LGR6: variants seen among roughly 807,000 people sequenced by gnomAD.
LGR6 encodes leucine rich repeat containing G protein-coupled receptor 6.
A neutral mutation model predicts 69.4 loss-of-function variants in LGR6; 45 were observed. That is an observed-to-expected ratio of 0.65 (90% CI 0.51 to 0.83). LGR6 has a LOEUF of 0.83. Ranked by LOEUF, LGR6 falls within the 40% of genes least tolerant of loss-of-function variation. The pLI is 0.00. For synonymous variants in LGR6, 538 were observed against 555.0 expected, an observed-to-expected ratio of 0.97 and a Z score of 0.43; for missense variants, 1,108 against 1,246.7, an observed-to-expected ratio of 0.89 and a Z score of 1.68.
chr1:202,226,261 A>G (rs1660542259), intron 2 of LGR6, among the ~76,000 whole-genome samples: 1 of 152,012 alleles, frequency 6.6e-6, no homozygotes, highest in Non-Finnish European at 1.5e-5. Flanking sequence ...TGTATTTCCA[A>G]CACCTCCCAG....
intron 14 of LGR6, 85 bp downstream of exon 14, chr1:202,307,486 A>G: frequency 8.7e-7 from 1 of 1,143,056 alleles, no homozygotes; most frequent in Non-Finnish European, 1.3e-6. Context: ...GGGCCACCCC[A>G]GAGCAGGAAC....
intron 7 of LGR6, among the ~76,000 whole-genome samples, chr1:202,298,231 A>G (rs1667305008): frequency 6.6e-6 from 1 of 152,190 alleles, no homozygotes; most frequent in African/African-American, 2.4e-5. Flanking sequence ...GTGGGAGTCC[A>G]GAGTAATGTG....
intron 4 of LGR6, among the ~76,000 whole-genome samples, chr1:202,237,727 A>T (rs1300749679): frequency 6.6e-6 from 1 of 152,176 alleles, no homozygotes; most frequent in Non-Finnish European, 1.5e-5. Flanking sequence ...ATAACAGGGC[A>T]GGGGACAGAG....
intron 4 of LGR6, among the ~76,000 whole-genome samples, chr1:202,241,834 C>T (rs932370225): frequency 1.3e-5 from 2 of 151,928 alleles, no homozygotes; most frequent in East Asian, 3.9e-4. Flanking sequence ...CCTGGATACT[C>T]TAGGGGGGAA....
intron 1 of LGR6, among the ~76,000 whole-genome samples, chr1:202,199,151 G>A (rs1423135610): frequency 6.6e-6 from 1 of 152,088 alleles, no homozygotes; most frequent in Admixed American, 6.6e-5. Flanking sequence ...CCTGCTCCTG[G>A]TGTGGGACAG....
intron 16 of LGR6, among the ~76,000 whole-genome samples, chr1:202,314,282 T>G (rs1653970572): frequency 6.6e-6 from 1 of 152,176 alleles, no homozygotes; most frequent in South Asian, 2.1e-4. Context: ...CTCCTCCAAG[T>G]TAAACACCGC....
At chr1:202,295,914 T>TGTGTGTGA (rs1491307649) in intron 6 of LGR6, among the ~76,000 whole-genome samples, 3 of 137,088 alleles carry the variant, frequency 2.2e-5, no homozygotes, top group Admixed American at 1.5e-4. Flanking sequence ...TGTGTGTGTG[T>TGTGTGTGA]GACAATTATC....
intron 6 of LGR6, among the ~76,000 whole-genome samples, chr1:202,287,446 CT>C (rs1192330573): frequency 6.6e-6 from 1 of 152,148 alleles, no homozygotes; most frequent in Non-Finnish European, 1.5e-5. Flanking sequence ...TCTGTTTACG[CT>C]TCTCTCCCTC....
At chr1:202,224,806 G>A (rs1016748021) in intron 1 of LGR6, among the ~76,000 whole-genome samples, 1 of 152,190 alleles carries the variant, frequency 6.6e-6, no homozygotes, top group African/African-American at 2.4e-5. Flanking sequence ...CCCCCGGGTT[G>A]GGGACCCCTG....
rs751492456 is a variant in LGR6 at position 202,310,262 on chromosome 1, C to T, written c.1472C>T (p.Ala491Val). ...GGGATGTGTGCCAGCTTCTTCAAGG[C>T]CTCTGGGCAGTGGGAGGCTGAAGAC... ...PYGMCASFFKASGQWEAEDLH... is the reference protein window; with the variant it reads ...PYGMCASFFKVSGQWEAEDLH... Residue 491 changes from alanine to valine, a missense_variant, in exon 16 of 18, where the codon GCC becomes GTC. Ala to Val is a moderately conservative substitution (Grantham distance 64, BLOSUM62 0). Transcript: ENST00000367278. 4 of 1,614,098 alleles carry T rather than the reference C, an allele frequency of 2.5e-6. No homozygotes were observed. Among genetic ancestry groups the T allele is most frequent in the East Asian group, 2.2e-5 (1 of 44,878 alleles).
rs1021534276 is a variant in LGR6 at position 202,314,280 on chromosome 1, A to G, written c.1568-522A>G. 8.5e-5 allele frequency among the ~76,000 whole-genome samples: 13 copies of G among 152,244 alleles called. No individual in the cohort carries two copies. The Middle Eastern group carries it at 0.01, about 120-fold the overall frequency. On this transcript the variant is annotated intron_variant, in intron 16 of 17. Transcript: ENST00000367278. ...CCCCCACTTACTCTTACCTCCTCCA[A>G]GTTAAACACCGCCCAGTTGCTTTGA...
At chr1:202,237,395 A>G (rs532429608) in intron 4 of LGR6, among the ~76,000 whole-genome samples, 1 of 152,380 alleles carries the variant, frequency 6.6e-6, no homozygotes, top group South Asian at 2.1e-4. Flanking sequence ...ACAGCCAAAA[A>G]TAAGGGAGGA....
At chr1:202,245,653 C>T (rs1662596838) in intron 4 of LGR6, among the ~76,000 whole-genome samples, 1 of 152,150 alleles carries the variant, frequency 6.6e-6, no homozygotes. Flanking sequence ...AGGCCTGAGG[C>T]AAGAGTACCC....
At chr1:202,195,469 G>A (rs1254427529) in intron 1 of LGR6, among the ~76,000 whole-genome samples, 1 of 152,236 alleles carries the variant, frequency 6.6e-6, no homozygotes, top group Non-Finnish European at 1.5e-5. Context: ...TGTGGGCCAG[G>A]TAAGGGAGTG....
intron 4 of LGR6, among the ~76,000 whole-genome samples, chr1:202,266,639 G>A (rs1304200447): frequency 2.0e-5 from 3 of 152,116 alleles, no homozygotes; most frequent in Admixed American, 1.3e-4. Context: ...GCTCAGCACA[G>A]ATGAGTTGTT....
intron 5 of LGR6, among the ~76,000 whole-genome samples, chr1:202,279,051 C>G (rs1340164350): frequency 6.6e-6 from 1 of 152,052 alleles, no homozygotes; most frequent in Non-Finnish European, 1.5e-5. Context: ...AGGCCTGGAG[C>G]TGGATGTTTA....
At chr1:202,306,696 A>G (rs1653226285) in intron 12 of LGR6, 172 bp from the exon 13 acceptor site, 2 of 680,706 alleles carry the variant, frequency 2.9e-6, no homozygotes, top group Admixed American at 2.6e-5. Context: ...ACCCAAGGCA[A>G]CCGGATCCCC....
At chr1:202,264,915 A>G (rs1382383027) in intron 4 of LGR6, among the ~76,000 whole-genome samples, 1 of 152,034 alleles carries the variant, frequency 6.6e-6, no homozygotes, top group African/African-American at 2.4e-5. Context: ...GAAGGAAAGG[A>G]GAGTTGAGGC....
chr1:202,224,162 G>C (rs2147948438), intron 1 of LGR6, among the ~76,000 whole-genome samples: 1 of 152,176 alleles, frequency 6.6e-6, no homozygotes, highest in Non-Finnish European at 1.5e-5. Flanking sequence ...GTTTTCTTGA[G>C]TGTAAAATGG....
Sources: allele counts gnomAD v4.1 joint callset (sites outside exome capture counted in the v4.1 genomes callset), GRCh38; gene constraint gnomAD v4.1.1; transcripts MANE v1.5; gene names NCBI Gene and HGNC (gene_info 2026-07-23, HGNC 2026-07-21).